The following ECPAS variants were observed in gnomAD, a reference collection of about 807,000 sequenced individuals.
The protein encoded by ECPAS is proteasome adapter and scaffold protein ECM29.
In ECPAS, 70 loss-of-function variants were observed where a neutral mutation model predicts 255.1. The observed-to-expected ratio is 0.27, with a 90% CI of 0.23 to 0.33. The LOEUF is 0.33. Ranked by LOEUF, ECPAS falls within the 10% of genes least tolerant of loss-of-function variation. The probability of loss-of-function intolerance (pLI) is 1.00; values close to 1 mark genes in which losing one functional copy is unlikely to be tolerated. For synonymous variants in ECPAS, 784 were observed against 775.0 expected (o/e 1.01, Z -0.19); for missense variants, 1,817 against 2,206.4 (o/e 0.82, Z 3.54).
chr9:111,445,352 G>A (rs1463361347), intron 3 of ECPAS, among the ~76,000 whole-genome samples: 1 of 151,958 alleles, frequency 6.6e-6, no homozygotes, highest in Admixed American at 6.6e-5. Context: ...GTTGGGCCTA[G>A]ACTGAAGCAT....
At chr9:111,386,973 T>C (rs1344934453) in intron 31 of ECPAS, among the ~76,000 whole-genome samples, 1 of 152,232 alleles carries the variant, frequency 6.6e-6, no homozygotes, top group Non-Finnish European at 1.5e-5. Context: ...AACTGTACTA[T>C]TTCACTATAC....
At position 111,361,986 on chromosome 9, in the gene ECPAS, AC is replaced by A. The variant is rs2098113808; in HGVS notation, c.*43del. 1 of 1,598,298 alleles carries A rather than the reference AC, an allele frequency of 6.3e-7. No homozygotes were observed. The highest frequency in any genetic ancestry group is 8.5e-7 in the Non-Finnish European group (1 of 1,171,666). ...TTTTTCAAAGAACACCACCACTTCA[AC>A]CCCCAATGAACATGGCACTTGTTTG... On this transcript the variant is annotated 3_prime_UTR_variant, in exon 50 of 50. Coordinates refer to ENST00000684092, the MANE Select transcript of ECPAS (RefSeq NM_001364929.1).
chr9:111,483,563 G>T, intron 1 of ECPAS: 1 of 919,588 alleles, frequency 1.1e-6, no homozygotes, highest in Non-Finnish European at 1.3e-6. Flanking sequence ...GGGAGGGAAC[G>T]AGGGAGGGGC....
Position 111,384,582 on chromosome 9 carries a change from A to G in ECPAS, c.3634-13T>C, listed in dbSNP as rs745730420. 6 of 1,612,940 alleles carry G rather than the reference A, an allele frequency of 3.7e-6. No individual in the cohort carries two copies. Among genetic ancestry groups the G allele is most frequent in the Admixed American group, 1.7e-5 (1 of 60,006 alleles). ...TTCGTACAGATTCCTAAAAATGACA[A>G]AAGTGTGACATCATACAAGTTAGAG... On this transcript the variant is annotated splice_polypyrimidine_tract_variant and intron_variant, in intron 33 of 49. Transcript: ENST00000684092.
chr9:111,368,380 C>A (rs1463818174), intron 46 of ECPAS, among the ~76,000 whole-genome samples: 2 of 152,140 alleles, frequency 1.3e-5, no homozygotes, highest in Middle Eastern at 6.3e-3. Context: ...GATAAAGAGA[C>A]CCTGCTAATA....
intron 25 of ECPAS, among the ~76,000 whole-genome samples, chr9:111,396,631 A>G (rs1207053515): frequency 2.6e-5 from 4 of 152,154 alleles, no homozygotes; most frequent in Non-Finnish European, 2.9e-5. Context: ...GCTCACTTGC[A>G]ACCTCCGCCT....
In ECPAS at chr9:111,391,779, T is replaced by TC; in HGVS notation, c.3137dup (p.Ala1047SerfsTer23). The TC allele has an allele frequency of 6.2e-7, 1 of 1,608,318 alleles. No individual in the cohort carries two copies. Among genetic ancestry groups the TC allele is most frequent in the Non-Finnish European group, 8.5e-7 (1 of 1,176,028 alleles). On this transcript the variant is annotated frameshift_variant, in exon 29 of 50. Coordinates refer to ENST00000684092, the MANE Select transcript of ECPAS (RefSeq NM_001364929.1). LOFTEE classifies it high-confidence loss of function. ...ACCCATCTGGTGTTTTGCCAAGAGC[T>TC]CCCCCTTGAAATACCACTGTCTCTC...
At chr9:111,483,976 C>T (rs1589252716) in intron 1 of ECPAS, 140 bp downstream of exon 1, 1 of 993,812 alleles carries the variant, frequency 1.0e-6, no homozygotes, top group East Asian at 1.1e-4. Context: ...CGCGGCTCGT[C>T]CTGCCCACCT....
intron 19 of ECPAS, 31 bp from the exon 20 acceptor site, chr9:111,414,017 T>G: frequency 4.2e-6 from 6 of 1,444,512 alleles, no homozygotes; most frequent in Non-Finnish European, 5.7e-6. Context: ...ACCTTAAATT[T>G]CAAGAAAAGT....
intron 16 of ECPAS, among the ~76,000 whole-genome samples, 164 bp downstream of exon 16, chr9:111,419,853 T>C (rs1274908715): frequency 6.6e-6 from 1 of 150,722 alleles, no homozygotes; most frequent in Non-Finnish European, 1.5e-5. Context: ...TATATAAATA[T>C]ATAGGTATAT....
intron 49 of ECPAS, among the ~76,000 whole-genome samples, chr9:111,363,218 G>C (rs896661854): frequency 6.7e-6 from 1 of 150,218 alleles, no homozygotes; most frequent in Non-Finnish European, 1.5e-5. Context: ...GTAGATAACT[G>C]TTAAAAATGT....
intron 24 of ECPAS, among the ~76,000 whole-genome samples, chr9:111,407,427 A>AAAAAAAAAAAAC (rs1589154633): frequency 6.9e-6 from 1 of 144,836 alleles, no homozygotes; most frequent in Non-Finnish European, 1.5e-5. Context: ...AAAAAAAAAA[A>AAAAAAAAAAAAC]AAAAAAAAAA....
chr9:111,384,560 G>A lies in ECPAS; in HGVS notation c.3643C>T (p.Arg1215Ter), dbSNP rs369975107. The A allele has an allele frequency of 1.2e-6, 2 of 1,613,422 alleles. No homozygotes were observed. Among genetic ancestry groups the A allele is most frequent in the Non-Finnish European group, 8.5e-7 (1 of 1,179,654 alleles). The change falls in exon 34 of 50, where the codon CGA becomes TGA. Residue 1215 changes from arginine (R) to a stop codon, truncating the protein, a stop_gained. Transcript: ENST00000684092. LOFTEE classifies it high-confidence loss of function. ...RVQDDIKESV[R>*]KAAELALKTL... ...TTCAGAGCTAGTTCTGCCGCTTTTC[G>A]TACAGATTCCTAAAAATGACAAAAG...
chr9:111,430,460 T>C (rs2098228132), intron 9 of ECPAS, 87 bp downstream of exon 9: 2 of 837,616 alleles, frequency 2.4e-6, no homozygotes, highest in Non-Finnish European at 4.0e-6. Flanking sequence ...TCAGCTTAAA[T>C]GAAACTAGAA....
rs531180937 is a variant in ECPAS, at chr9:111,484,099, G to A, written c.-83+17C>T. On this transcript the variant is annotated intron_variant, in intron 1 of 49. Transcript: ENST00000684092. ...GCGCAGGGCCAGTCCCCCGCGGCCCGGGGGCGGGCCTCTGACCTGAGTCGG... is the reference window on the plus strand; with the variant it reads ...GCGCAGGGCCAGTCCCCCGCGGCCCAGGGGCGGGCCTCTGACCTGAGTCGG... The A allele has an allele frequency of 6.8e-6, 9 of 1,326,974 alleles. No individual in the cohort carries two copies. Among genetic ancestry groups the A allele is most frequent in the African/African-American group, 4.6e-5 (3 of 64,580 alleles). 82.2% of individuals were successfully genotyped at this position (1,326,974 alleles called of 1,614,324 possible).
intron 24 of ECPAS, 107 bp from the exon 25 acceptor site, chr9:111,397,260 T>TCA: frequency 1.4e-6 from 2 of 1,409,500 alleles, no homozygotes; most frequent in Non-Finnish European, 1.9e-6. Context: ...TGTTTTGTTT[T>TCA]CACTCTTTGC....
At chr9:111,473,700 C>A (rs575417221) in intron 1 of ECPAS, among the ~76,000 whole-genome samples, 1 of 152,202 alleles carries the variant, frequency 6.6e-6, no homozygotes, top group Non-Finnish European at 1.5e-5. Flanking sequence ...GGCACGGTGG[C>A]TCACGCCTGT....
In ECPAS at chr9:111,362,043, T is replaced by C. The variant is rs2098113894; in HGVS notation, c.5507A>G (p.Glu1836Gly). The C allele has an allele frequency of 6.2e-7, 1 of 1,612,272 alleles. No individual in the cohort carries two copies. The change falls in exon 50 of 50, where the codon GAA becomes GGA. Residue 1836 changes from glutamate (E) to glycine (G), a missense_variant. Physicochemically the swap from Glu to Gly is moderately conservative, Grantham distance 98. Around this residue, in one of 4 missense-constraint regions of ECPAS, gnomAD observed 960 missense variants for 1,179.0 expected, o/e 0.81. Coordinates refer to ENST00000684092, the MANE Select transcript of ECPAS (RefSeq NM_001364929.1). Reference protein sequence around the residue: ...EKAALLKKTLENLE With the variant: ...EKAALLKKTLGNLE ...TCCCCTTCTAATTTATTCCAGATTT[T>C]CAAGTGTTTTCTTCAGTAACGCTGC...
rs76758767 is a variant in ECPAS at position 111,392,246 on chromosome 9, C to T, written c.3093-422G>A. ...CAGAGCAAGACTACAACAACAACAACAAAAAACAGCCCTTTCCAACAGGCT... is the reference window on the plus strand; with the variant it reads ...CAGAGCAAGACTACAACAACAACAATAAAAAACAGCCCTTTCCAACAGGCT... On this transcript the variant is annotated intron_variant, in intron 28 of 49. Transcript: ENST00000684092. Among the ~76,000 whole-genome samples, 6 of 152,144 alleles carry T rather than the reference C, an allele frequency of 3.9e-5. No individual in the cohort carries two copies. In the South Asian group the frequency reaches 1.0e-3, roughly 26 times the overall value.
Sources: allele counts gnomAD v4.1 joint callset (sites outside exome capture counted in the v4.1 genomes callset), GRCh38; gene constraint gnomAD v4.1.1; regional missense constraint gnomAD v4.1.1; transcripts MANE v1.5; gene names NCBI Gene and HGNC (gene_info 2026-07-23, HGNC 2026-07-21).